The following KDM4C variants were observed in gnomAD, a reference collection of about 807,000 sequenced individuals.
The protein encoded by KDM4C is lysine-specific demethylase 4C.
A neutral mutation model predicts 129.3 loss-of-function variants in KDM4C; 81 were observed. The ratio of observed to expected loss-of-function variants is 0.63; its 90% CI spans 0.52 to 0.75. KDM4C has a LOEUF of 0.75. KDM4C is among the 30% of genes least tolerant of loss of function. The pLI is 0.00. For synonymous variants in KDM4C, 573 were observed against 456.1 expected (o/e 1.26, Z -3.26); for missense variants, 1,457 against 1,304.0 (o/e 1.12, Z -1.81).
intron 1 of KDM4C, among the ~76,000 whole-genome samples, chr9:6,736,401 A>C (rs985458214): frequency 1.3e-5 from 2 of 152,178 alleles, no homozygotes; most frequent in African/African-American, 4.8e-5. Flanking sequence ...CCAGAGGCCT[A>C]GGAGGAAAAA....
At chr9:7,151,294 GA>G (rs35266511) in intron 19 of KDM4C, among the ~76,000 whole-genome samples, 20,279 of 148,802 alleles carry the variant, frequency 0.14, 1,875 homozygotes, top group Middle Eastern at 0.29. Context: ...GTGACTGGTG[GA>G]AAAAAAAAAA....
intron 2 of KDM4C, among the ~76,000 whole-genome samples, chr9:6,804,824 G>A (rs1386057654): frequency 6.6e-6 from 1 of 151,844 alleles, no homozygotes; most frequent in African/African-American, 2.4e-5. Flanking sequence ...AATATAAACA[G>A]CACATAGGTA....
chr9:6,751,410 C>T (rs749813155), intron 1 of KDM4C, among the ~76,000 whole-genome samples: 19 of 152,124 alleles, frequency 1.2e-4, no homozygotes, highest in East Asian at 5.8e-4. Context: ...TGCACCACTG[C>T]GCTCCAGCCT....
At chr9:6,864,325 C>G (rs1163720908) in intron 5 of KDM4C, among the ~76,000 whole-genome samples, 1 of 152,206 alleles carries the variant, frequency 6.6e-6, no homozygotes, top group East Asian at 1.9e-4. Context: ...AATGCCATCT[C>G]ACTACTTCTT....
chr9:7,049,268 A>G, intron 17 of KDM4C, 68 bp downstream of exon 17: 1 of 768,436 alleles, frequency 1.3e-6, no homozygotes, highest in Non-Finnish European at 2.2e-6. Flanking sequence ...TTTTTCCATT[A>G]ATGCACACAT....
chr9:6,961,828 T>C (rs944775107), intron 8 of KDM4C, among the ~76,000 whole-genome samples: 1 of 152,224 alleles, frequency 6.6e-6, no homozygotes, highest in Non-Finnish European at 1.5e-5. Context: ...ATCTTCTCAA[T>C]AGAAATTGCC....
chr9:7,104,613 A>G (rs530902623), intron 18 of KDM4C, among the ~76,000 whole-genome samples: 3 of 152,224 alleles, frequency 2.0e-5, no homozygotes, highest in East Asian at 1.9e-4. Context: ...AAATATTATG[A>G]CAGCGTAGAG....
At chr9:7,104,283 A>G (rs535627642) in intron 18 of KDM4C, 61 of 165,030 alleles carry the variant, frequency 3.7e-4, no homozygotes, top group African/African-American at 1.2e-3. Flanking sequence ...ATGAAACTGT[A>G]CACTGTGGTC....
chr9:7,071,179 A>C (rs143313539), intron 17 of KDM4C, among the ~76,000 whole-genome samples: 1 of 152,348 alleles, frequency 6.6e-6, no homozygotes, highest in African/African-American at 2.4e-5. Context: ...CTAAATAAGT[A>C]GAAAGTTACA....
chr9:7,075,039 C>G (rs1833735177), intron 17 of KDM4C, among the ~76,000 whole-genome samples: 1 of 152,110 alleles, frequency 6.6e-6, no homozygotes, highest in Non-Finnish European at 1.5e-5. Context: ...AGAGTCTCCT[C>G]TTTCTTGAAC....
chr9:7,160,025 G>A (rs866244614), intron 19 of KDM4C, among the ~76,000 whole-genome samples: 3 of 152,016 alleles, frequency 2.0e-5, no homozygotes, highest in South Asian at 2.1e-4. Context: ...GGCTTTGTTC[G>A]TTTCTTTTCA....
chr9:6,759,689 C>T (rs1183259836), intron 1 of KDM4C, among the ~76,000 whole-genome samples: 2 of 152,066 alleles, frequency 1.3e-5, no homozygotes, highest in Admixed American at 6.6e-5. Context: ...GCCGTGGCTC[C>T]TGCCTGTAAT....
intron 17 of KDM4C, among the ~76,000 whole-genome samples, chr9:7,050,375 G>A (rs1459571069): frequency 2.3e-5 from 3 of 131,392 alleles, no homozygotes; most frequent in Non-Finnish European, 4.7e-5. Flanking sequence ...GAAGAAGTAA[G>A]AAGAGAGTAT....
chr9:6,979,897 C>T (rs936208068), intron 8 of KDM4C, among the ~76,000 whole-genome samples: 5 of 152,078 alleles, frequency 3.3e-5, no homozygotes, highest in East Asian at 1.9e-4. Context: ...CATTTGGTAG[C>T]GACAGAGTGT....
chr9:6,755,626 ACATTACATAT>A (rs1303088233), upstream of KDM4C, among the ~76,000 whole-genome samples: 31 of 152,350 alleles, frequency 2.0e-4, no homozygotes, highest in Non-Finnish European at 4.3e-4. Flanking sequence ...TCGTTAGTTC[ACATTACATAT>A]AAACTTCAAG....
chr9:6,830,494 T>C (rs905755474), intron 4 of KDM4C, among the ~76,000 whole-genome samples: 9 of 152,318 alleles, frequency 5.9e-5, no homozygotes, highest in African/African-American at 1.7e-4. Flanking sequence ...TGATTCTAAA[T>C]ATATGCTAGT....
intron 1 of KDM4C, among the ~76,000 whole-genome samples, chr9:6,737,403 G>A (rs1255627575): frequency 6.6e-6 from 1 of 151,954 alleles, no homozygotes; most frequent in Non-Finnish European, 1.5e-5. Flanking sequence ...GCTCATGCCT[G>A]TAATCTCAGC....
intron 4 of KDM4C, among the ~76,000 whole-genome samples, chr9:6,842,837 T>G (rs983455486): frequency 2.0e-5 from 3 of 152,204 alleles, no homozygotes; most frequent in African/African-American, 7.2e-5. Context: ...CACTAATTGC[T>G]GTTACCTGCC....
intron 4 of KDM4C, chr9:6,834,653 C>T (rs540180441): frequency 2.5e-6 from 2 of 791,066 alleles, no homozygotes; most frequent in East Asian, 4.9e-5. Flanking sequence ...CATCCTGACC[C>T]TGAAGTGCCT....
Sources: allele counts gnomAD v4.1 joint callset (sites outside exome capture counted in the v4.1 genomes callset), GRCh38; gene constraint gnomAD v4.1.1; transcripts MANE v1.5; gene names NCBI Gene and HGNC (gene_info 2026-07-23, HGNC 2026-07-21).